The following GALNTL6 variants were observed in gnomAD, a reference collection of about 807,000 sequenced individuals.
GALNTL6 encodes the protein polypeptide N-acetylgalactosaminyltransferase-like 6.
In GALNTL6, 46 loss-of-function variants were observed where a neutral mutation model predicts 73.7. The ratio of observed to expected loss-of-function variants is 0.62; its 90% CI spans 0.49 to 0.80. The LOEUF (loss-of-function observed/expected upper bound fraction) is 0.80, where lower values mean the gene tolerates loss of function less well. GALNTL6 is among the 30% of genes least tolerant of loss of function. GALNTL6 has a pLI of 0.00. For missense variants in GALNTL6, 604 were observed against 755.0 expected (o/e 0.80, Z 2.34); for synonymous variants, 259 against 263.7 (o/e 0.98, Z 0.17).
chr4:172,804,129 G>C (rs1028796683), intron 5 of GALNTL6, among the ~76,000 whole-genome samples: 5 of 152,096 alleles, frequency 3.3e-5, no homozygotes, highest in African/African-American at 1.2e-4. Flanking sequence ...CATGACATAT[G>C]CCAAGTAGAT....
At position 172,498,948 on chromosome 4, in the gene GALNTL6, A is replaced by T. The variant is rs568914252; in HGVS notation, c.553+150259A>T. Among the ~76,000 whole-genome samples the T allele has an allele frequency of 3.9e-5, 6 of 152,300 alleles. No homozygotes were observed. The South Asian group carries it at 1.2e-3, about 32-fold the overall frequency. On this transcript the variant is annotated intron_variant, in intron 5 of 12. Coordinates refer to ENST00000506823, the MANE Select transcript of GALNTL6 (RefSeq NM_001034845.3). ...TGAAGTAACATAATGCACATTTGCA[A>T]GACAATTTCTAAATGTAAAAACCTT...
chr4:171,877,284 TAGTCTTTTC>T (rs1736307098), intron 2 of GALNTL6, among the ~76,000 whole-genome samples: 1 of 152,200 alleles, frequency 6.6e-6, no homozygotes. Flanking sequence ...TGTGTAAATT[TAGTCTTTTC>T]AGTCTTTTTT....
intron 10 of GALNTL6, among the ~76,000 whole-genome samples, chr4:172,974,956 G>C (rs564597164): frequency 6.6e-6 from 1 of 152,374 alleles, no homozygotes; most frequent in Admixed American, 6.5e-5. Context: ...GAGCTCCAAA[G>C]AGGGTGTCAC....
At chr4:172,994,720 C>T (rs549318146) in intron 10 of GALNTL6, among the ~76,000 whole-genome samples, 2 of 152,150 alleles carry the variant, frequency 1.3e-5, no homozygotes, top group East Asian at 1.9e-4. Flanking sequence ...CTTAGAAGAC[C>T]GGCTATTACA....
At chr4:172,292,218 T>C (rs796683232) in intron 3 of GALNTL6, among the ~76,000 whole-genome samples, 6 of 152,072 alleles carry the variant, frequency 3.9e-5, no homozygotes, top group African/African-American at 1.4e-4. Flanking sequence ...TTTGAAGAGA[T>C]CTGACAATGT....
chr4:172,554,964 G>A (rs1399664734), intron 5 of GALNTL6, among the ~76,000 whole-genome samples: 1 of 152,152 alleles, frequency 6.6e-6, no homozygotes, highest in Non-Finnish European at 1.5e-5. Flanking sequence ...CCAACAAGTT[G>A]TTAAAAATAG....
chr4:172,838,518 G>C (rs1315154904), intron 7 of GALNTL6, among the ~76,000 whole-genome samples: 2 of 152,198 alleles, frequency 1.3e-5, no homozygotes, highest in Non-Finnish European at 2.9e-5. Context: ...CACCTGTGGT[G>C]CTTGTAACAA....
intron 7 of GALNTL6, among the ~76,000 whole-genome samples, chr4:172,846,003 G>C (rs192483655): frequency 2.6e-5 from 4 of 152,268 alleles, no homozygotes; most frequent in East Asian, 3.9e-4. Context: ...TTATAACAGT[G>C]AAGTTTTTGT....
At chr4:172,225,854 G>A (rs1265124522) in intron 2 of GALNTL6, among the ~76,000 whole-genome samples, 2 of 152,106 alleles carry the variant, frequency 1.3e-5, no homozygotes, top group African/African-American at 4.8e-5. Context: ...TCTATGGGTA[G>A]CATTGATACA....
intron 2 of GALNTL6, among the ~76,000 whole-genome samples, chr4:172,174,078 A>T (rs747135442): frequency 3.3e-5 from 5 of 152,226 alleles, no homozygotes; most frequent in Non-Finnish European, 5.9e-5. Flanking sequence ...TAGCTGAAAC[A>T]TAGAAAATGG....
At chr4:172,373,562 A>G (rs1241017204) in intron 5 of GALNTL6, among the ~76,000 whole-genome samples, 3 of 152,168 alleles carry the variant, frequency 2.0e-5, no homozygotes, top group African/African-American at 2.4e-5. Context: ...GATAAGGAAA[A>G]GAGGTGGGGT....
At position 172,333,927 on chromosome 4, in the gene GALNTL6, C is replaced by A. The variant is rs191654712; in HGVS notation, c.387-14596C>A. On this transcript the variant is annotated intron_variant, in intron 4 of 12. Coordinates refer to ENST00000506823, the MANE Select transcript of GALNTL6 (RefSeq NM_001034845.3). ...TGTGGCTACCCAATTTTCCCAGCACCATTTATTGAATAGGGTGTCCTTTTC... is the reference window on the plus strand; with the variant it reads ...TGTGGCTACCCAATTTTCCCAGCACAATTTATTGAATAGGGTGTCCTTTTC... 8.1e-4 allele frequency among the ~76,000 whole-genome samples: 123 copies of A among 152,288 alleles called. 2 individuals are homozygous for A. In the South Asian group the frequency reaches 0.016, roughly 19 times the overall value.
intron 3 of GALNTL6, among the ~76,000 whole-genome samples, chr4:172,303,686 C>T (rs1740021055): frequency 6.6e-6 from 1 of 152,204 alleles, no homozygotes. Context: ...GTGACAACAG[C>T]AGATAAAATC....
intron 8 of GALNTL6, among the ~76,000 whole-genome samples, chr4:172,899,986 C>T (rs1312871162): frequency 2.0e-5 from 3 of 152,108 alleles, no homozygotes; most frequent in Admixed American, 6.6e-5. Flanking sequence ...CTTGTTTTAT[C>T]AGCAAGGTCT....
intron 2 of GALNTL6, among the ~76,000 whole-genome samples, chr4:172,091,919 T>G (rs953454565): frequency 6.6e-6 from 1 of 152,196 alleles, no homozygotes; most frequent in African/African-American, 2.4e-5. Flanking sequence ...TCAGTTTAGT[T>G]CCATTTCATT....
At chr4:172,633,815 G>C (rs549276082) in intron 5 of GALNTL6, among the ~76,000 whole-genome samples, 2 of 152,170 alleles carry the variant, frequency 1.3e-5, no homozygotes, top group Non-Finnish European at 2.9e-5. Context: ...GGGCAGTTTT[G>C]CCCATACTGT....
intron 3 of GALNTL6, among the ~76,000 whole-genome samples, chr4:172,303,375 G>C (rs961553105): frequency 6.6e-6 from 1 of 152,034 alleles, no homozygotes; most frequent in South Asian, 2.1e-4. Flanking sequence ...CCAGAATAAG[G>C]CATCCCCAAC....
At chr4:172,534,984 G>T (rs2110857145) in intron 5 of GALNTL6, among the ~76,000 whole-genome samples, 1 of 152,276 alleles carries the variant, frequency 6.6e-6, no homozygotes, top group Non-Finnish European at 1.5e-5. Flanking sequence ...TTTGTATAAG[G>T]CCATCTATAT....
At chr4:172,379,967 C>T in intron 5 of GALNTL6, 2 of 770,412 alleles carry the variant, frequency 2.6e-6, no homozygotes, top group South Asian at 1.5e-5. Flanking sequence ...TAAATGTAAA[C>T]CAAAAGAAAG....
Sources: allele counts gnomAD v4.1 joint callset (sites outside exome capture counted in the v4.1 genomes callset), GRCh38; gene constraint gnomAD v4.1.1; transcripts MANE v1.5; gene names NCBI Gene and HGNC (gene_info 2026-07-23, HGNC 2026-07-21).